The following EYS variants were observed in gnomAD, a reference collection of about 807,000 sequenced individuals.
EYS encodes EGF-like photoreceptor maintenance factor.
EYS carries 250 observed loss-of-function variants against 282.1 expected under a neutral mutation model. The observed-to-expected ratio is 0.89, with a 90% CI of 0.80 to 0.98. The LOEUF is 0.98. Among genes scored for constraint, EYS ranks in the 50% least tolerant of loss-of-function variants. The pLI is 0.00. For missense variants in EYS, 4,016 were observed against 3,709.0 expected (o/e 1.08, Z -2.15); for synonymous variants, 1,355 against 1,282.9 (o/e 1.06, Z -1.20).
chr6:65,589,787 G>A (rs1478060051), intron 2 of EYS, among the ~76,000 whole-genome samples: 3 of 151,830 alleles, frequency 2.0e-5, no homozygotes, highest in African/African-American at 7.3e-5. Flanking sequence ...CCATTTTCCT[G>A]ACATTTCTAT....
intron 29 of EYS, among the ~76,000 whole-genome samples, chr6:64,343,033 C>T (rs1450705362): frequency 6.6e-6 from 1 of 152,078 alleles, no homozygotes; most frequent in Non-Finnish European, 1.5e-5. Context: ...GCACCCAATA[C>T]AGGAGCACCC....
chr6:65,343,357 A>T (rs1582163048), intron 10 of EYS, among the ~76,000 whole-genome samples: 1 of 151,410 alleles, frequency 6.6e-6, no homozygotes, highest in Admixed American at 6.6e-5. Flanking sequence ...AAGACAAGAT[A>T]GGTTACAAAT....
rs547939982 is a variant in EYS at position 65,033,304 on chromosome 6, C to T, written c.2137+24310G>A. On this transcript the variant is annotated intron_variant, in intron 13 of 42. Transcript: ENST00000503581. ...TTATCAGAAGAGGAATTCAAGTAGCCTGTGGAGTAATCACTTTCTAGAGAT... is the reference window on the plus strand; with the variant it reads ...TTATCAGAAGAGGAATTCAAGTAGCTTGTGGAGTAATCACTTTCTAGAGAT... Among the ~76,000 whole-genome samples, 81 of 152,270 alleles carry T rather than the reference C, an allele frequency of 5.3e-4. 1 individual carries two copies. Among genetic ancestry groups the T allele is most frequent in the African/African-American group, 1.9e-3 (81 of 41,570 alleles).
chr6:65,655,746 T>C (rs1347391751), intron 1 of EYS, among the ~76,000 whole-genome samples: 1 of 151,808 alleles, frequency 6.6e-6, no homozygotes, highest in Non-Finnish European at 1.5e-5. Flanking sequence ...TATGATCAAA[T>C]TTGGAGAGAT....
rs148337221 is a variant in EYS, at chr6:65,145,788, C to A, written c.2024-88061G>T. Among the ~76,000 whole-genome samples the A allele has an allele frequency of 1.8e-3, 279 of 151,826 alleles. 1 individual carries two copies. The highest frequency in any genetic ancestry group is 6.5e-3 in the African/African-American group (268 of 41,468). On this transcript the variant is annotated intron_variant, in intron 12 of 42. Transcript: ENST00000503581. ...TTTATATAATAGGAGTTTTTCTCTG[C>A]AGGAAAAAAGACCTCTGATTTTATA... is the stretch of plus-strand genomic sequence containing the variant.
At chr6:65,172,203 T>C (rs568523091) in intron 12 of EYS, among the ~76,000 whole-genome samples, 6 of 151,510 alleles carry the variant, frequency 4.0e-5, no homozygotes, top group Non-Finnish European at 8.9e-5. Context: ...AAAATAATCA[T>C]AGGATAAATC....
At chr6:65,255,904 T>C (rs929662033) in intron 12 of EYS, among the ~76,000 whole-genome samples, 2 of 152,052 alleles carry the variant, frequency 1.3e-5, no homozygotes, top group African/African-American at 4.8e-5. Flanking sequence ...TCAGGAGGAA[T>C]ATGAATTAGT....
intron 26 of EYS, among the ~76,000 whole-genome samples, chr6:64,555,297 T>C (rs994832230): frequency 2.0e-4 from 30 of 151,998 alleles, no homozygotes; most frequent in African/African-American, 6.5e-4. Context: ...GTTTTACTTA[T>C]ATTTTGAATC....
chr6:63,946,288 A>C (rs1174713151), intron 35 of EYS, among the ~76,000 whole-genome samples: 1 of 152,052 alleles, frequency 6.6e-6, no homozygotes, highest in Admixed American at 6.6e-5. Flanking sequence ...ATGTCTCAGC[A>C]TAACATGATA....
In EYS at chr6:63,879,166, G is replaced by A. The variant is rs146339329; in HGVS notation, c.7056-14808C>T. The stretch of plus-strand genomic sequence containing the variant: ...GGTTTGTCTAGCTGAGTAGATTTTG[G>A]TGCCATTCTTGAAACTGAAGAATAT... On this transcript the variant is annotated intron_variant, in intron 35 of 42. Coordinates refer to ENST00000503581, the MANE Select transcript of EYS (RefSeq NM_001142800.2). Among the ~76,000 whole-genome samples, 796 of 152,224 alleles carry A rather than the reference G, an allele frequency of 5.2e-3. 9 individuals are homozygous for A. The highest frequency in any genetic ancestry group is 0.017 in the African/African-American group (709 of 41,534).
chr6:64,405,065 T>G (rs1293774669), intron 28 of EYS, among the ~76,000 whole-genome samples: 1 of 152,144 alleles, frequency 6.6e-6, no homozygotes, highest in African/African-American at 2.4e-5. Flanking sequence ...CATGGTGGTT[T>G]GCTGCACCTA....
At chr6:64,349,756 T>C (rs968894604) in intron 29 of EYS, among the ~76,000 whole-genome samples, 5 of 151,534 alleles carry the variant, frequency 3.3e-5, no homozygotes, top group Admixed American at 2.0e-4. Flanking sequence ...CTATTGATAG[T>C]TGAATGATTT....
chr6:64,045,162 G>T (rs1770559765), intron 33 of EYS, among the ~76,000 whole-genome samples: 1 of 152,020 alleles, frequency 6.6e-6, no homozygotes, highest in South Asian at 2.1e-4. Flanking sequence ...CCATGACTAT[G>T]TGTGCATCCT....
intron 41 of EYS, among the ~76,000 whole-genome samples, chr6:63,733,294 C>G (rs1312408032): frequency 6.6e-6 from 1 of 152,096 alleles, no homozygotes; most frequent in East Asian, 1.9e-4. Flanking sequence ...TTAATTTCAA[C>G]TTGTATTTTA....
At chr6:63,865,886 A>G (rs1023170462) in intron 35 of EYS, among the ~76,000 whole-genome samples, 4 of 152,242 alleles carry the variant, frequency 2.6e-5, no homozygotes, top group Non-Finnish European at 5.9e-5. Flanking sequence ...CAGATAGCAG[A>G]TAAAGCTGGC....
At chr6:64,822,843 C>A in intron 19 of EYS, 21 bp from the exon 20 acceptor site, 1 of 1,533,594 alleles carries the variant, frequency 6.5e-7, no homozygotes, top group Non-Finnish European at 8.8e-7. Context: ...ACAGACAAGG[C>A]AAAACATGAA....
intron 26 of EYS, among the ~76,000 whole-genome samples, chr6:64,540,994 C>A (rs751253050): frequency 6.6e-6 from 1 of 152,138 alleles, no homozygotes; most frequent in Non-Finnish European, 1.5e-5. Context: ...TGCTCCACGG[C>A]GGCTGAGTTA....
chr6:64,182,062 C>T (rs1038217129), intron 31 of EYS, among the ~76,000 whole-genome samples: 1 of 151,994 alleles, frequency 6.6e-6, no homozygotes, highest in African/African-American at 2.4e-5. Context: ...CACTAATACA[C>T]TAATTGAATC....
intron 23 of EYS, among the ~76,000 whole-genome samples, chr6:64,623,139 T>A (rs1037155042): frequency 6.6e-6 from 1 of 152,154 alleles, no homozygotes; most frequent in Non-Finnish European, 1.5e-5. Context: ...GTCAATTCAA[T>A]TTTTTACTGT....
Sources: allele counts gnomAD v4.1 joint callset (sites outside exome capture counted in the v4.1 genomes callset), GRCh38; gene constraint gnomAD v4.1.1; transcripts MANE v1.5; gene names NCBI Gene and HGNC (gene_info 2026-07-23, HGNC 2026-07-21).